BNC2: variants seen among roughly 807,000 people sequenced by gnomAD.
BNC2 encodes the protein basonuclin zinc finger protein 2.
BNC2 carries 20 observed loss-of-function variants against 76.3 expected under a neutral mutation model. The observed-to-expected ratio is 0.26, with a 90% confidence interval of 0.18 to 0.38. BNC2 has a LOEUF of 0.38. BNC2 is among the 10% of genes least tolerant of loss of function. The pLI is 1.00. For synonymous variants in BNC2, 582 were observed against 514.8 expected, an observed-to-expected ratio of 1.13 and a Z score of -1.77; for missense variants, 1,382 against 1,399.8, an observed-to-expected ratio of 0.99 and a Z score of 0.20.
intron 5 of BNC2, among the ~76,000 whole-genome samples, chr9:16,533,748 G>A (rs902360047): frequency 2.0e-5 from 3 of 152,042 alleles, no homozygotes; most frequent in African/African-American, 7.2e-5. Flanking sequence ...ATATAAAAAG[G>A]AAGCACAATG....
chr9:16,696,063 C>T (rs1408273436), intron 3 of BNC2, among the ~76,000 whole-genome samples: 2 of 152,282 alleles, frequency 1.3e-5, no homozygotes, highest in South Asian at 4.1e-4. Flanking sequence ...AGCTGTCCCC[C>T]ACACACTTTC....
chr9:16,446,141 T>G (rs963024722), intron 5 of BNC2, among the ~76,000 whole-genome samples: 2 of 152,170 alleles, frequency 1.3e-5, no homozygotes, highest in African/African-American at 4.8e-5. Context: ...CACATGTGCA[T>G]GTACACAAAC....
At chr9:16,618,419 C>T (rs368896819) in intron 3 of BNC2, among the ~76,000 whole-genome samples, 4 of 152,120 alleles carry the variant, frequency 2.6e-5, no homozygotes, top group South Asian at 2.1e-4. Context: ...CACGGGAGGA[C>T]GCCAGGAGGA....
At chr9:16,437,722 CAGTT>C (rs1300197646) in intron 5 of BNC2, among the ~76,000 whole-genome samples, 198 bp from the exon 6 acceptor site, 2 of 152,172 alleles carry the variant, frequency 1.3e-5, no homozygotes, top group Non-Finnish European at 2.9e-5. Context: ...ATTAGAGTCA[CAGTT>C]AGAGAAACAG....
intron 1 of BNC2, among the ~76,000 whole-genome samples, chr9:16,829,203 A>G (rs1489449121): frequency 6.6e-6 from 1 of 152,184 alleles, no homozygotes; most frequent in Admixed American, 6.5e-5. Flanking sequence ...AAACTACAAC[A>G]TGAATGCTGA....
Position 16,504,899 on chromosome 9 carries a change from T to C in BNC2, c.669+47631A>G, listed in dbSNP as rs1270435331. Reference sequence around the variant, plus strand: ...CCCACAAAACTGTGGGACCATGTAATGGTTACAAGAAGCTCAAATTCTAGG... The same window carrying C: ...CCCACAAAACTGTGGGACCATGTAACGGTTACAAGAAGCTCAAATTCTAGG... On this transcript the variant is annotated intron_variant, in intron 5 of 6. Coordinates refer to ENST00000380672, the MANE Select transcript of BNC2 (RefSeq NM_017637.6). Among the ~76,000 whole-genome samples, 4 of 152,234 alleles carry C rather than the reference T, an allele frequency of 2.6e-5. No homozygotes were observed. In the East Asian group the frequency reaches 7.7e-4, roughly 29 times the overall value.
rs564059854 is a variant in BNC2, at chr9:16,616,672, G to C, written c.331-33587C>G. ...GCACTTCACTCCAGCCTGGGCAACAGAGTGAGATCCTCTCTCAAAAAAAAA... is the reference window on the plus strand; with the variant it reads ...GCACTTCACTCCAGCCTGGGCAACACAGTGAGATCCTCTCTCAAAAAAAAA... On this transcript the variant is annotated intron_variant, in intron 3 of 6. Transcript: ENST00000380672. Among the ~76,000 whole-genome samples the C allele has an allele frequency of 2.7e-5, 4 of 146,192 alleles. No homozygotes were observed. The South Asian group carries it at 6.5e-4, about 24-fold the overall frequency.
intron 1 of BNC2, among the ~76,000 whole-genome samples, chr9:16,811,357 C>A (rs1364816083): frequency 6.6e-6 from 1 of 151,224 alleles, no homozygotes; most frequent in Non-Finnish European, 1.5e-5. Flanking sequence ...TCAAGACAAG[C>A]CTGGCCAACA....
Position 16,515,453 on chromosome 9 carries a change from G to A in BNC2, c.669+37077C>T, listed in dbSNP as rs78921037. ...GCTGGTGAATGCACCCGGCACCAAA[G>A]CCTCCCTCACCCTCACCCGCCCTCT... On this transcript the variant is annotated intron_variant, in intron 5 of 6. Transcript: ENST00000380672. 4.6e-3 allele frequency among the ~76,000 whole-genome samples: 693 copies of A among 152,252 alleles called. 6 individuals are homozygous for A. In the Middle Eastern group the frequency reaches 0.058, roughly 13 times the overall value.
intron 5 of BNC2, among the ~76,000 whole-genome samples, chr9:16,517,194 G>A (rs1817468400): frequency 6.6e-6 from 1 of 152,178 alleles, no homozygotes; most frequent in South Asian, 2.1e-4. Flanking sequence ...GTGTGTTGAG[G>A]AGGGAAGTAG....
At chr9:16,534,071 T>C (rs937608919) in intron 5 of BNC2, among the ~76,000 whole-genome samples, 8 of 152,180 alleles carry the variant, frequency 5.3e-5, no homozygotes, top group African/African-American at 1.7e-4. Context: ...CTTTTTAAAA[T>C]AGTCCTATCC....
intron 5 of BNC2, among the ~76,000 whole-genome samples, chr9:16,549,746 T>A (rs1287439561): frequency 6.6e-6 from 1 of 152,200 alleles, no homozygotes; most frequent in Non-Finnish European, 1.5e-5. Context: ...TTTGGTGTTC[T>A]GGGACCATTT....
intron 3 of BNC2, among the ~76,000 whole-genome samples, chr9:16,613,580 A>G (rs547428188): frequency 6.6e-6 from 1 of 152,238 alleles, no homozygotes; most frequent in Non-Finnish European, 1.5e-5. Flanking sequence ...TACTACCTTC[A>G]TTTTTCAATT....
chr9:16,449,682 G>C (rs868729140), intron 5 of BNC2, among the ~76,000 whole-genome samples: 2 of 152,144 alleles, frequency 1.3e-5, no homozygotes, highest in Non-Finnish European at 2.9e-5. Flanking sequence ...CTTTGGCACA[G>C]AGCTTAAATT....
chr9:16,494,681 A>G (rs1450570729), intron 5 of BNC2, among the ~76,000 whole-genome samples: 1 of 152,176 alleles, frequency 6.6e-6, no homozygotes. Context: ...AGATGCAGTC[A>G]GAGATGAAGG....
chr9:16,616,786 A>G (rs561525035), intron 3 of BNC2, among the ~76,000 whole-genome samples: 13 of 137,060 alleles, frequency 9.5e-5, no homozygotes, highest in East Asian at 7.2e-4. Context: ...GAGGGGAGGA[A>G]GGAGGGAAGG....
intron 3 of BNC2, among the ~76,000 whole-genome samples, chr9:16,596,248 G>C (rs1335692262): frequency 6.6e-6 from 1 of 152,094 alleles, no homozygotes; most frequent in African/African-American, 2.4e-5. Flanking sequence ...TCTTGGGGCA[G>C]GGGAGATCAA....
At chr9:16,837,290 G>C (rs1254527184) in intron 1 of BNC2, among the ~76,000 whole-genome samples, 1 of 152,206 alleles carries the variant, frequency 6.6e-6, no homozygotes. Context: ...TGGATCACCA[G>C]GTCAGGCATT....
chr9:16,655,311 G>A (rs369971374), intron 3 of BNC2, among the ~76,000 whole-genome samples: 1 of 152,184 alleles, frequency 6.6e-6, no homozygotes, highest in East Asian at 1.9e-4. Context: ...AAGCAAATAT[G>A]GGGGGACAGT....
Sources: gnomAD v4.1 joint callset for allele counts (sites outside exome capture counted in the v4.1 genomes callset) on GRCh38, gnomAD v4.1.1 for gene constraint, MANE v1.5 for transcripts, NCBI Gene and HGNC (gene_info 2026-07-23, HGNC 2026-07-21) for gene names.